The following GALNTL6 variants were observed in gnomAD, a reference collection of about 807,000 sequenced individuals.
GALNTL6 encodes the protein polypeptide N-acetylgalactosaminyltransferase-like 6.
Under a neutral mutation model 73.7 loss-of-function variants are expected in GALNTL6, and 46 were observed. The ratio of observed to expected loss-of-function variants is 0.62; its 90% CI spans 0.49 to 0.80. The LOEUF is 0.80. Ranked by LOEUF, GALNTL6 falls within the 30% of genes least tolerant of loss-of-function variation. The probability of loss-of-function intolerance (pLI) is 0.00; values close to 1 mark genes in which losing one functional copy is unlikely to be tolerated. For synonymous variants in GALNTL6, 259 were observed against 263.7 expected (o/e 0.98, Z 0.17); for missense variants, 604 against 755.0 (o/e 0.80, Z 2.34).
intron 2 of GALNTL6, among the ~76,000 whole-genome samples, chr4:172,160,765 A>T (rs996377551): frequency 2.0e-5 from 3 of 151,826 alleles, no homozygotes; most frequent in Admixed American, 2.0e-4. Flanking sequence ...AAATACATGT[A>T]TAGTCATAAA....
intron 8 of GALNTL6, among the ~76,000 whole-genome samples, chr4:172,901,842 G>T (rs561457205): frequency 6.6e-6 from 1 of 152,260 alleles, no homozygotes; most frequent in South Asian, 2.1e-4. Context: ...CTACCCTGTA[G>T]AATTTTCAGG....
chr4:172,982,035 T>C (rs1370863916), intron 10 of GALNTL6, among the ~76,000 whole-genome samples: 2 of 152,160 alleles, frequency 1.3e-5, no homozygotes, highest in African/African-American at 4.8e-5. Context: ...CCTCAGGTGA[T>C]CTGCCTGCCT....
chr4:172,703,535 A>G (rs1734151055), intron 5 of GALNTL6, among the ~76,000 whole-genome samples: 1 of 151,964 alleles, frequency 6.6e-6, no homozygotes, highest in South Asian at 2.1e-4. Context: ...ACATTCCTGG[A>G]ATAAATTTTG....
chr4:172,389,971 G>A (rs147749025), intron 5 of GALNTL6, among the ~76,000 whole-genome samples: 327 of 151,574 alleles, frequency 2.2e-3, no homozygotes, highest in African/African-American at 7.5e-3. Flanking sequence ...TTAATTTAGC[G>A]ACAGATCCAC....
intron 8 of GALNTL6, among the ~76,000 whole-genome samples, chr4:172,891,607 A>G (rs149002440): frequency 6.6e-6 from 1 of 152,282 alleles, no homozygotes; most frequent in East Asian, 1.9e-4. Context: ...TCTGATGACT[A>G]TATGTCCTGG....
chr4:172,861,801 G>T (rs1744407528), intron 7 of GALNTL6, among the ~76,000 whole-genome samples: 2 of 152,210 alleles, frequency 1.3e-5, no homozygotes, highest in South Asian at 4.1e-4. Flanking sequence ...CACCATGTAA[G>T]ACATGACTTT....
At chr4:172,603,988 A>C (rs1241939314) in intron 5 of GALNTL6, among the ~76,000 whole-genome samples, 1 of 152,248 alleles carries the variant, frequency 6.6e-6, no homozygotes, top group Non-Finnish European at 1.5e-5. Context: ...CATTCTTTAC[A>C]AGAATAAGCA....
chr4:172,359,127 A>G, intron 5 of GALNTL6, among the ~76,000 whole-genome samples: 1 of 152,204 alleles, frequency 6.6e-6, no homozygotes, highest in East Asian at 1.9e-4. Context: ...ACATGGAATC[A>G]ACGTAAATGT....
chr4:172,610,176 A>G (rs916629469), intron 5 of GALNTL6, among the ~76,000 whole-genome samples: 5 of 151,662 alleles, frequency 3.3e-5, no homozygotes, highest in African/African-American at 9.7e-5. Context: ...GTGGTTTTTC[A>G]TGTCTTAATC....
chr4:172,653,965 G>T (rs770842734), intron 5 of GALNTL6, among the ~76,000 whole-genome samples: 1 of 152,154 alleles, frequency 6.6e-6, no homozygotes, highest in African/African-American at 2.4e-5. Flanking sequence ...TCTGTTGGAT[G>T]TGTGTTTTGT....
chr4:172,535,737 G>T (rs969908297), intron 5 of GALNTL6, among the ~76,000 whole-genome samples: 1 of 152,154 alleles, frequency 6.6e-6, no homozygotes, highest in Non-Finnish European at 1.5e-5. Context: ...TAGGAAAGGA[G>T]TAGCTCAAGG....
At chr4:171,910,501 T>A (rs1372421483) in intron 2 of GALNTL6, among the ~76,000 whole-genome samples, 2 of 152,058 alleles carry the variant, frequency 1.3e-5, no homozygotes, top group Admixed American at 6.5e-5. Context: ...TCTTTTTTTT[T>A]AATCATTAAA....
chr4:172,892,144 T>G (rs1233351274), intron 8 of GALNTL6, among the ~76,000 whole-genome samples: 1 of 152,242 alleles, frequency 6.6e-6, no homozygotes, highest in Non-Finnish European at 1.5e-5. Context: ...ATGTCTGTTA[T>G]TTCAGACATT....
intron 2 of GALNTL6, among the ~76,000 whole-genome samples, chr4:171,874,218 T>G (rs182551334): frequency 7.2e-4 from 110 of 152,304 alleles, no homozygotes; most frequent in African/African-American, 2.3e-3. Context: ...TGTTTGTCTG[T>G]TTTTGACACA....
chr4:172,280,237 A>G (rs1178593503), intron 3 of GALNTL6, among the ~76,000 whole-genome samples: 4 of 152,294 alleles, frequency 2.6e-5, no homozygotes, highest in South Asian at 2.1e-4. Flanking sequence ...CAGTATATGT[A>G]TTTTACCACA....
At chr4:172,640,088 C>T (rs1739901498) in intron 5 of GALNTL6, among the ~76,000 whole-genome samples, 1 of 152,078 alleles carries the variant, frequency 6.6e-6, no homozygotes, top group African/African-American at 2.4e-5. Context: ...TCCTTCTATT[C>T]ACTCAAATCT....
intron 2 of GALNTL6, among the ~76,000 whole-genome samples, chr4:171,907,565 C>A (rs1027596420): frequency 6.6e-6 from 1 of 151,980 alleles, no homozygotes; most frequent in Admixed American, 6.5e-5. Flanking sequence ...AATGGCCATA[C>A]TGTCCAAGGT....
chr4:172,005,758 T>C (rs964718752), intron 2 of GALNTL6, among the ~76,000 whole-genome samples: 2 of 152,338 alleles, frequency 1.3e-5, no homozygotes, highest in South Asian at 4.1e-4. Context: ...GTGGGATTAC[T>C]GCATGTGATT....
intron 5 of GALNTL6, among the ~76,000 whole-genome samples, chr4:172,467,807 TTTCTTTC>T (rs1047933622): frequency 2.9e-4 from 2 of 7,000 alleles, no homozygotes; most frequent in African/African-American, 7.6e-4. Context: ...CATTTTACAT[TTTCTTTC>T]TTTCTTTCTT....
Sources: allele counts gnomAD v4.1 joint callset (sites outside exome capture counted in the v4.1 genomes callset), GRCh38; gene constraint gnomAD v4.1.1; transcripts MANE v1.5; gene names NCBI Gene and HGNC (gene_info 2026-07-23, HGNC 2026-07-21).